TMEM150C: variants seen among roughly 807,000 people sequenced by gnomAD.
TMEM150C encodes the protein tentonin 3.
Under a neutral mutation model 29.9 loss-of-function variants are expected in TMEM150C, and 10 were observed. That is an observed-to-expected ratio of 0.33 (90% CI 0.21 to 0.57). The LOEUF (loss-of-function observed/expected upper bound fraction) is 0.57. Among genes scored for constraint, TMEM150C ranks in the 20% least tolerant of loss-of-function variants. TMEM150C has a pLI of 0.88. For synonymous variants in TMEM150C, 101 were observed against 112.5 expected (o/e 0.90, Z 0.64); for missense variants, 251 against 303.6 (o/e 0.83, Z 1.29).
rs1317754928 is a variant in TMEM150C, at chr4:82,484,640, T to C, written c.*871A>G. 1 of 152,224 alleles carries C rather than the reference T, an allele frequency of 6.6e-6. No homozygotes were observed. Among genetic ancestry groups the C allele is most frequent in the African/African-American group, 2.4e-5 (1 of 41,454 alleles). The allele number at this position is 152,224 out of a possible 1,614,324, so 9.4% of individuals were successfully genotyped here. A position where few individuals can be genotyped will look rare whatever the true frequency, so the allele number is the denominator to read the frequency against. On this transcript the variant is annotated 3_prime_UTR_variant, in exon 8 of 8. Transcript: ENST00000449862. ...ACCTCAGTTTTTCTTTGATCATGGT[T>C]GAACCCAAAGCAAGCTCAGCTCTTG...
At chr4:82,501,013 C>T (rs1271523740) in intron 5 of TMEM150C, among the ~76,000 whole-genome samples, 1 of 152,234 alleles carries the variant, frequency 6.6e-6, no homozygotes, top group African/African-American at 2.4e-5. Flanking sequence ...AGCCTGCAGG[C>T]CTACGTGCTA....
intron 7 of TMEM150C, among the ~76,000 whole-genome samples, chr4:82,486,335 TAAAAAAAA>T (rs527967958): frequency 3.3e-4 from 17 of 51,284 alleles, no homozygotes; most frequent in African/African-American, 9.9e-4. Context: ...GACTCCATCT[TAAAAAAAA>T]AAAAAAAAAA....
intron 1 of TMEM150C, among the ~76,000 whole-genome samples, chr4:82,510,121 TA>T (rs1560486404): frequency 1.3e-5 from 2 of 150,320 alleles, no homozygotes; most frequent in Admixed American, 6.6e-5. Flanking sequence ...CTACTAAAAA[TA>T]AAAAAAATTA....
chr4:82,524,116 A>G (rs1456034178), intron 1 of TMEM150C, among the ~76,000 whole-genome samples: 1 of 150,726 alleles, frequency 6.6e-6, no homozygotes, highest in Non-Finnish European at 1.5e-5. Context: ...AAAAAAAAAA[A>G]GGTTAGCAGG....
At chr4:82,545,487 A>G (rs1371260953) in intron 1 of TMEM150C, among the ~76,000 whole-genome samples, 1 of 152,236 alleles carries the variant, frequency 6.6e-6, no homozygotes. Flanking sequence ...CTGGAGCAAG[A>G]CAAGGATGCC....
intron 1 of TMEM150C, among the ~76,000 whole-genome samples, chr4:82,543,156 A>G (rs928719174): frequency 2.0e-5 from 3 of 152,198 alleles, no homozygotes; most frequent in Admixed American, 6.5e-5. Flanking sequence ...GTCTAACTCC[A>G]GGACCTGTGC....
intron 1 of TMEM150C, among the ~76,000 whole-genome samples, chr4:82,511,876 G>T (rs186233589): frequency 6.6e-6 from 1 of 152,110 alleles, no homozygotes; most frequent in Non-Finnish European, 1.5e-5. Context: ...TTCAGAGTCC[G>T]TTTATATCTT....
chr4:82,541,207 C>T (rs1725190086), intron 1 of TMEM150C, among the ~76,000 whole-genome samples: 1 of 152,086 alleles, frequency 6.6e-6, no homozygotes, highest in Admixed American at 6.6e-5. Context: ...TCCTTCTATT[C>T]CTTTCTCTGT....
intron 7 of TMEM150C, among the ~76,000 whole-genome samples, chr4:82,489,040 A>G (rs1723247674): frequency 6.6e-6 from 1 of 150,942 alleles, no homozygotes; most frequent in Admixed American, 6.6e-5. Context: ...GGTGCTCGCC[A>G]CAACACCCAG....
intron 1 of TMEM150C, among the ~76,000 whole-genome samples, chr4:82,530,328 C>G (rs1231149371): frequency 6.6e-6 from 1 of 151,912 alleles, no homozygotes; most frequent in Non-Finnish European, 1.5e-5. Context: ...GAGGCAGAGG[C>G]GGGTGGATCA....
chr4:82,553,342 C>T (rs762664174), intron 1 of TMEM150C, among the ~76,000 whole-genome samples: 1 of 152,110 alleles, frequency 6.6e-6, no homozygotes, highest in Non-Finnish European at 1.5e-5. Flanking sequence ...AACTAGAAGC[C>T]GGATGAAACC....
At chr4:82,561,260 C>T (rs1434379171) in intron 1 of TMEM150C, among the ~76,000 whole-genome samples, 2 of 152,228 alleles carry the variant, frequency 1.3e-5, no homozygotes, top group Non-Finnish European at 2.9e-5. Context: ...AGGTAACCCA[C>T]CTACCACGGC....
rs534487401 is a variant in TMEM150C at position 82,505,435 on chromosome 4, C to T, written c.-10-768G>A. ...AGAGTTTGGGTTAGGTTAGGACTTT[C>T]GCTAGAAGAGCTAAGTACCAAAGGT... On this transcript the variant is annotated intron_variant, in intron 1 of 7. Coordinates refer to ENST00000449862, the MANE Select transcript of TMEM150C (RefSeq NM_001080506.3). 3.3e-5 allele frequency among the ~76,000 whole-genome samples: 5 copies of T among 152,208 alleles called. 1 individual carries two copies. Among genetic ancestry groups the T allele is most frequent in the South Asian group, 4.2e-4 (2 of 4,812 alleles).
At chr4:82,494,126 C>G (rs777181524) in intron 6 of TMEM150C, among the ~76,000 whole-genome samples, 1 of 152,256 alleles carries the variant, frequency 6.6e-6, no homozygotes, top group South Asian at 2.1e-4. Flanking sequence ...ATGCCATTTG[C>G]GATGTCATTC....
At chr4:82,535,201 TC>T (rs1236495350) in intron 1 of TMEM150C, among the ~76,000 whole-genome samples, 3 of 152,190 alleles carry the variant, frequency 2.0e-5, no homozygotes, top group African/African-American at 7.2e-5. Context: ...TGGCTCATAG[TC>T]CTGGAGGCTG....
At chr4:82,510,961 T>A (rs1156507151) in intron 1 of TMEM150C, among the ~76,000 whole-genome samples, 1 of 152,232 alleles carries the variant, frequency 6.6e-6, no homozygotes, top group Non-Finnish European at 1.5e-5. Context: ...GGGGTAATGA[T>A]GAGGACTGTT....
intron 1 of TMEM150C, among the ~76,000 whole-genome samples, chr4:82,544,756 G>A (rs1244137208): frequency 2.2e-5 from 3 of 138,698 alleles, no homozygotes; most frequent in African/African-American, 1.0e-4. Flanking sequence ...TCCAGCCTGG[G>A]TGACAGAGTA....
At chr4:82,531,437 C>T (rs941631182) in intron 1 of TMEM150C, among the ~76,000 whole-genome samples, 23 of 151,816 alleles carry the variant, frequency 1.5e-4, no homozygotes, top group Non-Finnish European at 5.9e-5. Context: ...GTTTAGGGGG[C>T]AATGGAGGAA....
intron 1 of TMEM150C, among the ~76,000 whole-genome samples, chr4:82,520,661 A>G (rs1205771527): frequency 6.6e-6 from 1 of 152,204 alleles, no homozygotes; most frequent in Non-Finnish European, 1.5e-5. Flanking sequence ...AGGTGGGTGC[A>G]TTGTTGGAGG....
Sources: allele counts gnomAD v4.1 joint callset (sites outside exome capture counted in the v4.1 genomes callset), GRCh38; gene constraint gnomAD v4.1.1; transcripts MANE v1.5; gene names NCBI Gene and HGNC (gene_info 2026-07-23, HGNC 2026-07-21).